Variants in NALCN observed in about 807,000 individuals in gnomAD.
NALCN encodes the protein sodium leak channel, non-selective, also known as sodium leak channel NALCN.
In NALCN, 111 loss-of-function variants were observed where a neutral mutation model predicts 225.3. That is an observed-to-expected ratio of 0.49 (90% CI 0.42 to 0.58). The LOEUF is 0.58. Ranked by LOEUF, NALCN falls within the 20% of genes least tolerant of loss-of-function variation. NALCN has a pLI of 0.00. For missense variants in NALCN, 1,378 were observed against 2,202.4 expected, an observed-to-expected ratio of 0.63 and a Z score of 7.49; for synonymous variants, 764 against 769.0, an observed-to-expected ratio of 0.99 and a Z score of 0.11.
intron 18 of NALCN, among the ~76,000 whole-genome samples, chr13:101,120,457 A>G (rs537296391): frequency 5.9e-5 from 9 of 152,242 alleles, no homozygotes; most frequent in African/African-American, 1.7e-4. Context: ...GTCACCTACA[A>G]ATAGTTGGTA....
At position 101,089,963 on chromosome 13, in the gene NALCN, C is replaced by T. The variant is rs766895428; in HGVS notation, c.3273G>A (p.Ala1091=). ...KPGFWVPRVW[A]NPRNFNFDNV... is the part of the protein sequence containing the mutation. ...TGTCGAAATTAAAGTTCCGAGGATTCGCCCTGCGATTCCAATACAGGAATG... is the reference window on the plus strand; with the variant it reads ...TGTCGAAATTAAAGTTCCGAGGATTTGCCCTGCGATTCCAATACAGGAATG... Residue 1091 remains alanine (A), a synonymous_variant, in exon 29 of 44, where the codon GCG becomes GCA. Coordinates refer to ENST00000251127, the MANE Select transcript of NALCN (RefSeq NM_052867.4). The surrounding 1 kb of genome is among the most constrained non-coding windows in gnomAD (Gnocchi z 4.7). The T allele has an allele frequency of 3.2e-5, 51 of 1,613,708 alleles. No homozygotes were observed. Among genetic ancestry groups the T allele is most frequent in the Non-Finnish European group, 4.2e-5 (49 of 1,179,858 alleles).
At chr13:101,102,486 A>C (rs528432752) in intron 26 of NALCN, among the ~76,000 whole-genome samples, 2 of 152,138 alleles carry the variant, frequency 1.3e-5, no homozygotes, top group Non-Finnish European at 2.9e-5. Flanking sequence ...AATAAAAAAA[A>C]CTTTTGATCA....
At position 101,092,099 on chromosome 13, in the gene NALCN, TCCTTGA is replaced by T. The variant is rs1202483440; in HGVS notation, c.3270-2139_3270-2134del. 1.4e-3 allele frequency among the ~76,000 whole-genome samples: 208 copies of T among 152,340 alleles called. 1 individual carries two copies. The highest frequency in any genetic ancestry group is 4.8e-3 in the African/African-American group (199 of 41,574). The stretch of plus-strand genomic sequence containing the variant: ...TATTGTCATTTTTACCTGCTACCCT[TCCTTGA>T]ATTGAAAAGGTTGTCATTTTTTCTG... On this transcript the variant is annotated intron_variant, in intron 28 of 43. Transcript: ENST00000251127.
intron 20 of NALCN, among the ~76,000 whole-genome samples, chr13:101,108,078 ATATC>A (rs2035237025): frequency 6.9e-6 from 1 of 144,942 alleles, no homozygotes; most frequent in Non-Finnish European, 1.5e-5. Flanking sequence ...CAATAAATAT[ATATC>A]TATATGAAAT....
chr13:101,252,300 A>G (rs191414352), intron 11 of NALCN, among the ~76,000 whole-genome samples: 194 of 152,312 alleles, frequency 1.3e-3, no homozygotes, highest in Non-Finnish European at 1.7e-3. Flanking sequence ...TTGAAATGAG[A>G]TGAAAAATTT....
At chr13:101,147,111 C>T (rs560206916) in intron 15 of NALCN, among the ~76,000 whole-genome samples, 11 of 152,208 alleles carry the variant, frequency 7.2e-5, no homozygotes, top group Admixed American at 1.3e-4. Context: ...TTAATTGGGA[C>T]ATATCATTGA....
intron 7 of NALCN, among the ~76,000 whole-genome samples, chr13:101,324,799 C>T (rs991291362): frequency 6.6e-6 from 1 of 152,176 alleles, no homozygotes; most frequent in African/African-American, 2.4e-5. Context: ...CTGGCCAGAA[C>T]TTCCAACACT....
At chr13:101,106,535 C>T (rs879913827) in intron 22 of NALCN, among the ~76,000 whole-genome samples, 19 of 152,114 alleles carry the variant, frequency 1.2e-4, no homozygotes, top group South Asian at 2.1e-4. Flanking sequence ...TTTGGCTCTG[C>T]GTCCCTACCC....
chr13:101,179,312 GCTT>G (rs1233090580), intron 14 of NALCN, among the ~76,000 whole-genome samples: 1 of 139,680 alleles, frequency 7.2e-6, no homozygotes, highest in Non-Finnish European at 1.7e-5. Flanking sequence ...ACAAATTGCA[GCTT>G]TTTTTTCATT....
intron 9 of NALCN, among the ~76,000 whole-genome samples, chr13:101,289,547 T>TATATATATATATAC (rs2043469562): frequency 6.9e-6 from 1 of 144,796 alleles, no homozygotes; most frequent in Non-Finnish European, 1.5e-5. Context: ...TATATATATA[T>TATATATATATATAC]ATACACATAT....
At chr13:101,244,366 A>G (rs1199071356) in intron 11 of NALCN, among the ~76,000 whole-genome samples, 1 of 152,232 alleles carries the variant, frequency 6.6e-6, no homozygotes, top group Admixed American at 6.5e-5. Context: ...TAAAATATGC[A>G]GCTGGATCTG....
intron 15 of NALCN, among the ~76,000 whole-genome samples, chr13:101,148,892 G>A (rs1433111546): frequency 3.3e-5 from 5 of 152,000 alleles, no homozygotes; most frequent in South Asian, 2.1e-4. Flanking sequence ...TGGAGTATGC[G>A]TGTCCTTAGA....
At chr13:101,122,234 A>G (rs1214379948) in intron 18 of NALCN, among the ~76,000 whole-genome samples, 1 of 152,240 alleles carries the variant, frequency 6.6e-6, no homozygotes, top group Non-Finnish European at 1.5e-5. Flanking sequence ...GAAGCAATGA[A>G]GAAACCATTC....
intron 14 of NALCN, among the ~76,000 whole-genome samples, chr13:101,185,755 C>A (rs1409830378): frequency 1.3e-5 from 2 of 152,216 alleles, no homozygotes; most frequent in Non-Finnish European, 2.9e-5. Flanking sequence ...GAACAAGCTG[C>A]AACCACACAT....
intron 10 of NALCN, among the ~76,000 whole-genome samples, chr13:101,280,141 A>C (rs559229353): frequency 6.6e-6 from 1 of 152,298 alleles, no homozygotes; most frequent in African/African-American, 2.4e-5. Context: ...GCCCGGTACA[A>C]ACAGATAACT....
chr13:101,225,755 G>T (rs1194453455), intron 13 of NALCN, among the ~76,000 whole-genome samples: 1 of 152,134 alleles, frequency 6.6e-6, no homozygotes, highest in Non-Finnish European at 1.5e-5. Context: ...GCTAAAACGT[G>T]AAAGGAATAC....
intron 6 of NALCN, among the ~76,000 whole-genome samples, chr13:101,363,688 A>G (rs9554776): frequency 0.21 from 31,324 of 151,904 alleles, 4,265 homozygotes; most frequent in East Asian, 0.35. Flanking sequence ...TTTTGGGGGG[A>G]CAAAATCTGA....
intron 2 of NALCN, among the ~76,000 whole-genome samples, chr13:101,397,553 GCATATATGTTAACACATATAA>G (rs1053893938): frequency 4.6e-5 from 7 of 150,916 alleles, no homozygotes; most frequent in African/African-American, 1.7e-4. Context: ...TGGGTAATAT[GCATATATGTTAACACATATAA>G]CATATATGTG....
intron 15 of NALCN, among the ~76,000 whole-genome samples, chr13:101,159,824 G>C (rs2038074889): frequency 6.6e-6 from 1 of 152,140 alleles, no homozygotes; most frequent in Non-Finnish European, 1.5e-5. Flanking sequence ...AGAAAAGAGG[G>C]CACACCGGAT....
Sources: gnomAD v4.1 joint callset for allele counts (sites outside exome capture counted in the v4.1 genomes callset) on GRCh38, gnomAD v4.1.1 for gene constraint, Gnocchi (gnomAD v3.1) non-coding constraint, MANE v1.5 for transcripts, NCBI Gene and HGNC (gene_info 2026-07-23, HGNC 2026-07-21) for gene names.